The following ABCA6 variants were observed in gnomAD, a reference collection of about 807,000 sequenced individuals.
ABCA6 encodes the protein ATP-binding cassette sub-family A member 6.
Under a neutral mutation model 191.2 loss-of-function variants are expected in ABCA6, and 164 were observed. That is an observed-to-expected ratio of 0.86 (90% CI 0.76 to 0.98). The LOEUF (loss-of-function observed/expected upper bound fraction) is 0.98, where lower values mean the gene tolerates loss of function less well. Ranked by LOEUF, ABCA6 falls within the 50% of genes least tolerant of loss-of-function variation. ABCA6 has a pLI of 0.00. For missense variants in ABCA6, 1,958 were observed against 1,894.1 expected (o/e 1.03, Z -0.63); for synonymous variants, 636 against 647.7 (o/e 0.98, Z 0.27).
At position 69,078,839 on chromosome 17, in the gene ABCA6, T is replaced by G; in HGVS notation, c.*134A>C. The G allele has an allele frequency of 1.9e-6, 1 of 534,900 alleles. No individual in the cohort carries two copies. The highest frequency in any genetic ancestry group is 3.8e-5 in the South Asian group (1 of 26,528). The allele number at this position is 534,900 out of a possible 1,614,324, so 33.1% of individuals were successfully genotyped here. On this transcript the variant is annotated 3_prime_UTR_variant, in exon 39 of 39. Coordinates refer to ENST00000284425, the MANE Select transcript of ABCA6 (RefSeq NM_080284.3). The stretch of plus-strand genomic sequence containing the variant: ...AGAGGAAGAATAATTTTAAAATTTA[T>G]GTATTTGTTAACTAAATTTACAAAA...
At chr17:69,124,190 A>G (rs2073705347) in intron 9 of ABCA6, among the ~76,000 whole-genome samples, 1 of 152,022 alleles carries the variant, frequency 6.6e-6, no homozygotes, top group South Asian at 2.1e-4. Flanking sequence ...TGAATTTATT[A>G]TTAAGGGCCT....
chr17:69,130,866 A>G (rs2144710557), intron 6 of ABCA6, among the ~76,000 whole-genome samples: 1 of 152,312 alleles, frequency 6.6e-6, no homozygotes, highest in East Asian at 1.9e-4. Context: ...CAACTCTACT[A>G]AGCCCATTCT....
intron 3 of ABCA6, among the ~76,000 whole-genome samples, chr17:69,136,646 G>A (rs1445167379): frequency 6.6e-6 from 1 of 152,150 alleles, no homozygotes; most frequent in East Asian, 1.9e-4. Context: ...GCCTTCTGCA[G>A]AAAACAAGAT....
chr17:69,134,409 C>T (rs186799968), intron 5 of ABCA6, among the ~76,000 whole-genome samples: 49 of 152,256 alleles, frequency 3.2e-4, no homozygotes, highest in African/African-American at 9.9e-4. Flanking sequence ...GACACTTAGA[C>T]GGTGCTATCT....
chr17:69,138,371 A>T (rs1490907622), intron 2 of ABCA6, among the ~76,000 whole-genome samples: 1 of 152,172 alleles, frequency 6.6e-6, no homozygotes, highest in Non-Finnish European at 1.5e-5. Flanking sequence ...TTCTCCTTGA[A>T]GAGGTCCTTC....
rs1426103819 is a variant in ABCA6 at position 69,136,053 on chromosome 17, A to C, written c.460+39T>G. The C allele has an allele frequency of 1.9e-6, 3 of 1,586,174 alleles. No individual in the cohort carries two copies. The Admixed American group carries it at 5.1e-5, about 27-fold the overall frequency. ...CTCCTCTGTTCTTTATGTTGAAAACATGAAAAATTCCATAATGATATTTGA... is the reference window on the plus strand; with the variant it reads ...CTCCTCTGTTCTTTATGTTGAAAACCTGAAAAATTCCATAATGATATTTGA... On this transcript the variant is annotated intron_variant, in intron 4 of 38. Coordinates refer to ENST00000284425, the MANE Select transcript of ABCA6 (RefSeq NM_080284.3).
At chr17:69,105,746 G>T in intron 19 of ABCA6, 118 bp from the exon 20 acceptor site, 1 of 861,126 alleles carries the variant, frequency 1.2e-6, no homozygotes, top group Non-Finnish European at 1.8e-6. Flanking sequence ...GATTCTAGGT[G>T]CTAAAATTCT....
Position 69,088,253 on chromosome 17 carries a change from G to A in ABCA6, c.3612C>T (p.Tyr1204=), listed in dbSNP as rs2072849550. The A allele has an allele frequency of 1.2e-6, 2 of 1,607,440 alleles. No individual in the cohort carries two copies. The highest frequency in any genetic ancestry group is 4.5e-5 in the East Asian group (2 of 44,644). ...ATDFLVCFIP[Y]FQTLLFVFVL... is the part of the protein sequence containing the mutation. ...CAAAAACGAATAGCAAAGTCTGAAA[G>A]TAGGGCTATGAGCAAAGAAATACAG... Residue 1204 remains tyrosine, a synonymous_variant, in exon 28 of 39, where the codon TAC becomes TAT. Coordinates refer to ENST00000284425, the MANE Select transcript of ABCA6 (RefSeq NM_080284.3).
chr17:69,085,727 G>A lies in ABCA6; in HGVS notation c.3938-11C>T. ...ATCCCAAAATTTCACCTGAAAGAAA[G>A]AATCAGACTATCAATATTGGAAGTG... On this transcript the variant is annotated splice_polypyrimidine_tract_variant and intron_variant, in intron 30 of 38. Transcript: ENST00000284425. 1 of 1,543,932 alleles carries A rather than the reference G, an allele frequency of 6.5e-7. No homozygotes were observed. Among genetic ancestry groups the A allele is most frequent in the Non-Finnish European group, 8.9e-7 (1 of 1,119,310 alleles).
chr17:69,132,838 ATATC>A (rs915634773), intron 6 of ABCA6, among the ~76,000 whole-genome samples: 20 of 151,660 alleles, frequency 1.3e-4, no homozygotes, highest in South Asian at 4.2e-4. Flanking sequence ...ACACAAATAC[ATATC>A]TATCTACCTA....
Position 69,096,817 on chromosome 17 carries a change from AAG to A in ABCA6, c.3121-18_3121-17del. 1.3e-6 allele frequency: 2 copies of A among 1,514,756 alleles called. No individual in the cohort carries two copies. The highest frequency in any genetic ancestry group is 1.4e-5 in the South Asian group (1 of 72,932). The allele number at this position is 1,514,756 out of a possible 1,614,324, so 93.8% of individuals were successfully genotyped here. ...TAGCATTTTTCTGATTAAAAAAAAA[AAG>A]AAAGAAAGAAATGTATATAGATTCA... On this transcript the variant is annotated splice_polypyrimidine_tract_variant and intron_variant, in intron 23 of 38. Coordinates refer to ENST00000284425, the MANE Select transcript of ABCA6 (RefSeq NM_080284.3).
At chr17:69,084,991 C>T (rs1374754315) in intron 32 of ABCA6, 37 bp downstream of exon 32, 1 of 1,566,380 alleles carries the variant, frequency 6.4e-7, no homozygotes, top group Non-Finnish European at 8.6e-7. Context: ...AGTCTCCCTG[C>T]ATTCTGACAC....
intron 25 of ABCA6, chr17:69,095,595 T>C (rs1383908828): frequency 6.6e-6 from 1 of 152,256 alleles, no homozygotes; most frequent in African/African-American, 2.4e-5. Context: ...TAATATTAAA[T>C]ATATCATTTC....
chr17:69,088,108 G>T, intron 28 of ABCA6, 59 bp downstream of exon 28: 2 of 1,393,234 alleles, frequency 1.4e-6, no homozygotes, highest in Non-Finnish European at 9.9e-7. Context: ...TGATAGCACA[G>T]ACACCATCTA....
intron 31 of ABCA6, 50 bp downstream of exon 31, chr17:69,085,575 T>C (rs772536493): frequency 3.3e-6 from 4 of 1,200,960 alleles, no homozygotes; most frequent in South Asian, 1.3e-5. Flanking sequence ...ATATAATCTA[T>C]ACGTATCATG....
chr17:69,096,283 T>C lies in ABCA6; in HGVS notation c.3365A>G (p.Lys1122Arg). 1 of 1,535,848 alleles carries C rather than the reference T, an allele frequency of 6.5e-7. No homozygotes were observed. The highest frequency in any genetic ancestry group is 2.1e-5 in the Admixed American group (1 of 48,052). Residue 1122 changes from lysine (K) to arginine (R), a missense_variant, in exon 25 of 39, where the codon AAA becomes AGA. Coordinates refer to ENST00000284425, the MANE Select transcript of ABCA6 (RefSeq NM_080284.3). Reference sequence around the variant, plus strand: ...CCAAAGGCCACTGTTTTTTCTCCTTTTGCGAAAAATAAATGATATCATATA... The same window carrying C: ...CCAAAGGCCACTGTTTTTTCTCCTTCTGCGAAAAATAAATGATATCATATA... ...FIYMISFIFRKRRKNSGLWSF... is the reference protein window; with the variant it reads ...FIYMISFIFRRRRKNSGLWSF...
rs775048252 is a variant in ABCA6 at position 69,137,307 on chromosome 17, G to A, written c.290C>T (p.Pro97Leu). The A allele has an allele frequency of 6.2e-7, 1 of 1,612,156 alleles. No individual in the cohort carries two copies. The highest frequency in any genetic ancestry group is 2.2e-5 in the East Asian group (1 of 44,810). Reference protein sequence around the residue: ...QQIMNKTALAPLLKGTSVIGA... With the variant: ...QQIMNKTALALLLKGTSVIGA... ...ATGAGTACACCTACCTTTCAAAAGA[G>A]GAGCAAGTGCTGTTTTATTCATTAT... The change falls in exon 3 of 39, where the codon CCT (proline) becomes CTT (leucine). Residue 97 changes from proline to leucine, a missense_variant. Physicochemically the swap from Pro to Leu is moderately conservative, Grantham distance 98 (BLOSUM62 -3). Transcript: ENST00000284425.
intron 2 of ABCA6, 67 bp from the exon 3 acceptor site, chr17:69,137,567 C>A: frequency 2.1e-6 from 3 of 1,449,022 alleles, no homozygotes; most frequent in Non-Finnish European, 2.8e-6. Context: ...TCAGTTAATA[C>A]AAAATACTGT....
At chr17:69,081,248 A>C in intron 36 of ABCA6, 103 bp from the exon 37 acceptor site, 6 of 610,700 alleles carry the variant, frequency 9.8e-6, no homozygotes, top group Non-Finnish European at 1.7e-5. Flanking sequence ...TTAAAATAAA[A>C]GTAATGCAAA....
Sources: allele counts gnomAD v4.1 joint callset (sites outside exome capture counted in the v4.1 genomes callset), GRCh38; gene constraint gnomAD v4.1.1; transcripts MANE v1.5; gene names NCBI Gene and HGNC (gene_info 2026-07-23, HGNC 2026-07-21).